Variants in CCDC88C observed in about 807,000 individuals in gnomAD.
CCDC88C encodes the protein protein Daple.
A neutral mutation model predicts 198.8 loss-of-function variants in CCDC88C; 131 were observed. The observed-to-expected ratio is 0.66, with a 90% CI of 0.57 to 0.76. The LOEUF (loss-of-function observed/expected upper bound fraction) is 0.76, where lower values mean the gene tolerates loss of function less well. CCDC88C is among the 30% of genes least tolerant of loss of function. The probability of loss-of-function intolerance (pLI) is 0.00; values close to 1 mark genes in which losing one functional copy is unlikely to be tolerated. For synonymous variants in CCDC88C, 1,166 were observed against 1,114.7 expected, an observed-to-expected ratio of 1.05 and a Z score of -0.92; for missense variants, 2,553 against 2,631.6, an observed-to-expected ratio of 0.97 and a Z score of 0.65.
chr14:91,283,417 CT>C lies in CCDC88C; in HGVS notation c.4541del (p.Glu1514GlyfsTer60), dbSNP rs1890282227. On this transcript the variant is annotated frameshift_variant, in exon 26 of 30. Transcript: ENST00000389857. LOFTEE classifies it high-confidence loss of function. ...TDLAMRSWPS[E>X]LGSRTCSTSA... ...AAGTTGAGCAAGTCCGGGAGCCCAG[CT>C]CCGAGGGCCAGGACCTCATGGCCAG... 1 of 1,613,532 alleles carries C rather than the reference CT, an allele frequency of 6.2e-7. No individual in the cohort carries two copies.
At position 91,285,584 on chromosome 14, in the gene CCDC88C, C is replaced by T. The variant is rs536322788; in HGVS notation, c.4442-2067G>A. On this transcript the variant is annotated intron_variant, in intron 25 of 29. Transcript: ENST00000389857. The stretch of plus-strand genomic sequence containing the variant: ...GAGGGGTCCGCTATCGGCCATCTGG[C>T]CTTTTAGACGCTGGCTTTTTTTGTT... The T allele has an allele frequency of 5.8e-6, 7 of 1,203,458 alleles. No homozygotes were observed. The South Asian group carries it at 9.6e-5, about 17-fold the overall frequency. The allele number at this position is 1,203,458 out of a possible 1,614,324, so 74.5% of individuals were successfully genotyped here. A position where few individuals can be genotyped will look rare whatever the true frequency, so the allele number is the denominator to read the frequency against.
At chr14:91,379,991 G>A (rs548951962) in intron 3 of CCDC88C, 51 of 664,234 alleles carry the variant, frequency 7.7e-5, no homozygotes, top group South Asian at 2.6e-4. Flanking sequence ...GGAACTGCGC[G>A]AGCCCACCGT....
At chr14:91,328,984 T>C (rs1892694600) in intron 10 of CCDC88C, among the ~76,000 whole-genome samples, 1 of 152,206 alleles carries the variant, frequency 6.6e-6, no homozygotes, top group African/African-American at 2.4e-5. Flanking sequence ...CGATGCCGTA[T>C]GGTTCCCTAA....
intron 23 of CCDC88C, 119 bp from the exon 24 acceptor site, chr14:91,291,203 A>G: frequency 1.5e-6 from 1 of 651,602 alleles, no homozygotes; most frequent in Admixed American, 2.4e-5. Context: ...CAGGATTGAG[A>G]TGAGGGTGCT....
Position 91,321,273 on chromosome 14 carries a change from G to T in CCDC88C, c.1374C>A (p.Asn458Lys). Residue 458 changes from asparagine to lysine, a missense_variant, in exon 13 of 30, where the codon AAC becomes AAA. Coordinates refer to ENST00000389857, the MANE Select transcript of CCDC88C (RefSeq NM_001080414.4). ...TCAGGATGCGGCTGGACGCACATTCGTTCAGCTCAAACACAAACGACTTCC... is the reference window on the plus strand; with the variant it reads ...TCAGGATGCGGCTGGACGCACATTCTTTCAGCTCAAACACAAACGACTTCC... ...ASRKSFVFEL[N>K]ECASSRILKL... 4 of 1,568,114 alleles carry T rather than the reference G, an allele frequency of 2.6e-6. No individual in the cohort carries two copies. Among genetic ancestry groups the T allele is most frequent in the Non-Finnish European group, 3.5e-6 (4 of 1,155,742 alleles).
Position 91,392,622 on chromosome 14 carries a change from G to A in CCDC88C, c.270+16037C>T, listed in dbSNP as rs1885572305. Among the ~76,000 whole-genome samples, 6 of 152,170 alleles carry A rather than the reference G, an allele frequency of 3.9e-5. No homozygotes were observed. In the South Asian group the frequency reaches 1.2e-3, roughly 31 times the overall value. On this transcript the variant is annotated intron_variant, in intron 3 of 29. Coordinates refer to ENST00000389857, the MANE Select transcript of CCDC88C (RefSeq NM_001080414.4). Reference sequence around the variant, plus strand: ...TCCATACCAGCGATGCATAAAAGAAGGAACATTTTAAAGCCCAGCCCAGCC... The same window carrying A: ...TCCATACCAGCGATGCATAAAAGAAAGAACATTTTAAAGCCCAGCCCAGCC...
chr14:91,399,488 G>C (rs1886044746), intron 3 of CCDC88C, among the ~76,000 whole-genome samples: 1 of 152,160 alleles, frequency 6.6e-6, no homozygotes, highest in Non-Finnish European at 1.5e-5. Context: ...CCCAACACCT[G>C]TGCATTCTCC....
chr14:91,374,338 G>C (rs1275607617), intron 3 of CCDC88C, among the ~76,000 whole-genome samples: 2 of 152,226 alleles, frequency 1.3e-5, no homozygotes, highest in Non-Finnish European at 2.9e-5. Context: ...ATCTGCTAAT[G>C]CAAGGTCCAT....
Position 91,273,040 on chromosome 14 carries a change from G to T in CCDC88C, c.5672C>A (p.Pro1891Gln). ...LDTRRFSLAP[P>Q]KEERLAPLHQ... ...CAGGGGGGCCAGCCTCTCCTCCTTT[G>T]GGGGAGCCAGGGAGAAGCGCCTCGT... The change falls in exon 30 of 30, where the codon CCA becomes CAA. Residue 1891 changes from proline (P) to glutamine (Q), a missense_variant. Coordinates refer to ENST00000389857, the MANE Select transcript of CCDC88C (RefSeq NM_001080414.4). The surrounding 1 kb of genome is among the most constrained non-coding windows in gnomAD (Gnocchi z 5.6). 6.4e-7 allele frequency: 1 copy of T among 1,554,748 alleles called. No homozygotes were observed. Among genetic ancestry groups the T allele is most frequent in the South Asian group, 1.2e-5 (1 of 85,336 alleles).
chr14:91,309,752 C>T (rs1596054682), intron 16 of CCDC88C, 107 bp downstream of exon 16: 1 of 1,219,818 alleles, frequency 8.2e-7, no homozygotes, highest in Non-Finnish European at 1.1e-6. Flanking sequence ...GGTCACAGCC[C>T]TCGGCAGTAG....
rs895324472 is a variant in CCDC88C at position 91,271,666 on chromosome 14, A to G, written c.*959T>C. On this transcript the variant is annotated 3_prime_UTR_variant, in exon 30 of 30. Transcript: ENST00000389857. ...ATACATATTTCACATGAGTGTGTAC[A>G]TATACATGTCATATATTAAAAAAAA... 6.6e-5 allele frequency: 10 copies of G among 152,250 alleles called. No homozygotes were observed. Among genetic ancestry groups the G allele is most frequent in the African/African-American group, 2.4e-4 (10 of 41,462 alleles). 9.4% of individuals were successfully genotyped at this position (152,250 alleles called of 1,614,324 possible).
intron 3 of CCDC88C, among the ~76,000 whole-genome samples, chr14:91,395,249 C>T (rs1885775461): frequency 6.6e-6 from 1 of 152,184 alleles, no homozygotes; most frequent in Non-Finnish European, 1.5e-5. Flanking sequence ...TAACTGCCCC[C>T]TCCGCCTGCA....
At chr14:91,369,244 C>G (rs993893030) in intron 3 of CCDC88C, among the ~76,000 whole-genome samples, 1 of 152,188 alleles carries the variant, frequency 6.6e-6, no homozygotes, top group African/African-American at 2.4e-5. Flanking sequence ...GCCAATCACA[C>G]CCGCCAGGCT....
At position 91,371,844 on chromosome 14, in the gene CCDC88C, C is replaced by T. The variant is rs968365444; in HGVS notation, c.271-12133G>A. Among the ~76,000 whole-genome samples, 3 of 152,174 alleles carry T rather than the reference C, an allele frequency of 2.0e-5. No individual in the cohort carries two copies. Among genetic ancestry groups the T allele is most frequent in the African/African-American group, 2.4e-5 (1 of 41,434 alleles). The stretch of plus-strand genomic sequence containing the variant: ...CCCTCACCCGGTGGCCTGACAATGC[C>T]GCTTCACTCCCAGGCACAAGTCGGA... On this transcript the variant is annotated intron_variant, in intron 3 of 29. Transcript: ENST00000389857. This position sits in a 1 kb window ranked among gnomAD's most constrained non-coding sequence, Gnocchi z 4.2.
intron 3 of CCDC88C, chr14:91,379,896 G>A (rs1206714501): frequency 2.8e-6 from 2 of 703,068 alleles, no homozygotes. Flanking sequence ...CTGAAAACAG[G>A]ATGAGAAGAT....
intron 13 of CCDC88C, among the ~76,000 whole-genome samples, chr14:91,316,389 A>T (rs887971902): frequency 5.3e-5 from 8 of 151,336 alleles, no homozygotes; most frequent in Non-Finnish European, 1.0e-4. Context: ...GTTGCACACG[A>T]GTGCCCGCCT....
intron 14 of CCDC88C, among the ~76,000 whole-genome samples, chr14:91,314,413 T>C (rs530281306): frequency 3.9e-5 from 6 of 152,308 alleles, no homozygotes; most frequent in Admixed American, 3.9e-4. Context: ...TCACTTAAGT[T>C]TCAGCGGTTT....
intron 26 of CCDC88C, 44 bp downstream of exon 26, chr14:91,283,285 C>T (rs753090408): frequency 6.3e-7 from 1 of 1,586,842 alleles, no homozygotes; most frequent in Admixed American, 1.8e-5. Context: ...TCAGGAAGGA[C>T]ACTAGGCCCG....
intron 3 of CCDC88C, among the ~76,000 whole-genome samples, chr14:91,406,581 G>A (rs1886496480): frequency 6.6e-6 from 1 of 152,222 alleles, no homozygotes; most frequent in Non-Finnish European, 1.5e-5. Context: ...GCTGGGTTAG[G>A]GGGTCTTGCC....
Sources: allele counts gnomAD v4.1 joint callset (sites outside exome capture counted in the v4.1 genomes callset), GRCh38; gene constraint gnomAD v4.1.1; non-coding constraint Gnocchi (gnomAD v3.1); transcripts MANE v1.5; gene names NCBI Gene and HGNC (gene_info 2026-07-23, HGNC 2026-07-21).